Variants in FRMPD2 observed in about 807,000 individuals in gnomAD.
The protein encoded by FRMPD2 is FERM and PDZ domain-containing protein 2.
A neutral mutation model predicts 140.1 loss-of-function variants in FRMPD2; 96 were observed. The observed-to-expected ratio is 0.69, with a 90% CI of 0.58 to 0.81. The LOEUF (loss-of-function observed/expected upper bound fraction) is 0.81, where lower values mean the gene tolerates loss of function less well. Ranked by LOEUF, FRMPD2 falls within the 40% of genes least tolerant of loss-of-function variation. The pLI, the probability that FRMPD2 is intolerant of heterozygous loss-of-function variation, is 0.00. For synonymous variants in FRMPD2, 449 were observed against 547.6 expected, an observed-to-expected ratio of 0.82 and a Z score of 2.52; for missense variants, 1,240 against 1,447.4, an observed-to-expected ratio of 0.86 and a Z score of 2.32.
chr10:48,159,613 G>A (rs1837879537), intron 28 of FRMPD2, among the ~76,000 whole-genome samples: 1 of 151,826 alleles, frequency 6.6e-6, no homozygotes. Context: ...GCTATTCCAG[G>A]CAGTGCCCTT....
intron 28 of FRMPD2, chr10:48,159,070 C>T (rs1554790525): frequency 2.7e-5 from 11 of 411,184 alleles, no homozygotes; most frequent in African/African-American, 8.5e-5. Flanking sequence ...TATTTACTTA[C>T]GGTTAAACTC....
At position 48,206,760 on chromosome 10, in the gene FRMPD2, CTTCCCGGT is replaced by C. The variant is rs1564425081; in HGVS notation, c.1777_1784del (p.Thr593AspfsTer30). Reference sequence around the variant, plus strand: ...GAGCTACACTCACATAAGTAGAAATCTTCCCGGTTTCTCTCCACTGAAACCGTAACATT... The same window carrying C: ...GAGCTACACTCACATAAGTAGAAATCTTCTCTCCACTGAAACCGTAACATT... On this transcript the variant is annotated frameshift_variant, in exon 14 of 29. Transcript: ENST00000374201. LOFTEE classifies it high-confidence loss of function. 1 of 1,613,788 alleles carries C rather than the reference CTTCCCGGT, an allele frequency of 6.2e-7. No homozygotes were observed. The highest frequency in any genetic ancestry group is 1.1e-5 in the South Asian group (1 of 91,038).
chr10:48,265,270 A>C (rs988361213), intron 1 of FRMPD2, among the ~76,000 whole-genome samples: 1 of 152,220 alleles, frequency 6.6e-6, no homozygotes, highest in African/African-American at 2.4e-5. Flanking sequence ...TCTGGAAGAC[A>C]AAACCTAGGC....
chr10:48,253,400 C>T (rs905314245), intron 1 of FRMPD2, among the ~76,000 whole-genome samples: 4 of 151,910 alleles, frequency 2.6e-5, no homozygotes, highest in Non-Finnish European at 5.9e-5. Context: ...CAAGGACTGC[C>T]CAATAAAATG....
chr10:48,200,334 C>T (rs537084745), intron 15 of FRMPD2, among the ~76,000 whole-genome samples: 1 of 152,120 alleles, frequency 6.6e-6, no homozygotes, highest in Non-Finnish European at 1.5e-5. Context: ...CCTGCCTCCT[C>T]GAATCAGGGC....
chr10:48,213,681 G>T (rs979299986), intron 12 of FRMPD2, among the ~76,000 whole-genome samples: 1 of 152,200 alleles, frequency 6.6e-6, no homozygotes, highest in African/African-American at 2.4e-5. Context: ...AAAAGACATG[G>T]AAGAGTCTGA....
intron 15 of FRMPD2, among the ~76,000 whole-genome samples, chr10:48,200,915 T>C (rs1332253730): frequency 2.6e-5 from 4 of 152,256 alleles, no homozygotes; most frequent in Non-Finnish European, 5.9e-5. Flanking sequence ...CTATTGATTA[T>C]CTTAGGATAA....
intron 1 of FRMPD2, among the ~76,000 whole-genome samples, chr10:48,260,978 C>A (rs1040504219): frequency 6.6e-6 from 1 of 152,126 alleles, no homozygotes; most frequent in Non-Finnish European, 1.5e-5. Context: ...TAAAAGTTAG[C>A]AATCAACAGC....
intron 27 of FRMPD2, among the ~76,000 whole-genome samples, chr10:48,166,524 C>T (rs1369983423): frequency 8.1e-6 from 1 of 123,436 alleles, no homozygotes; most frequent in African/African-American, 3.2e-5. Flanking sequence ...GCATCATGCT[C>T]CTCTGATCCC....
In FRMPD2 at chr10:48,171,313, G is replaced by A. The variant is rs558418839; in HGVS notation, c.3224-105C>T. On this transcript the variant is annotated intron_variant, in intron 25 of 28. Coordinates refer to ENST00000374201, the MANE Select transcript of FRMPD2 (RefSeq NM_001018071.4). Reference sequence around the variant, plus strand: ...CAAGTAGATGAATTATTTCTTTTACGTTCAAATAATTCCTTTGCTAATTTT... The same window carrying A: ...CAAGTAGATGAATTATTTCTTTTACATTCAAATAATTCCTTTGCTAATTTT... 152 of 731,104 alleles carry A rather than the reference G, an allele frequency of 2.1e-4. 1 individual carries two copies. The highest frequency in any genetic ancestry group is 1.4e-3 in the African/African-American group (86 of 60,322). The allele number at this position is 731,104 out of a possible 1,614,324, so 45.3% of individuals were successfully genotyped here. A position where few individuals can be genotyped will look rare whatever the true frequency, so the allele number is the denominator to read the frequency against.
intron 25 of FRMPD2, among the ~76,000 whole-genome samples, chr10:48,171,718 T>C (rs1838262910): frequency 6.6e-6 from 1 of 151,964 alleles, no homozygotes; most frequent in Non-Finnish European, 1.5e-5. Flanking sequence ...GTGGCTACCA[T>C]ATTGAATAGC....
At chr10:48,239,361 G>A (rs917842007) in intron 7 of FRMPD2, among the ~76,000 whole-genome samples, 11 of 152,170 alleles carry the variant, frequency 7.2e-5, no homozygotes, top group African/African-American at 2.7e-4. Context: ...TCCGCCACTC[G>A]GCCTGAGTAT....
intron 20 of FRMPD2, among the ~76,000 whole-genome samples, chr10:48,183,851 C>CATAAAAAAAAAAAAAAAAAAAAAA (rs1838610156): frequency 1.3e-5 from 1 of 76,784 alleles, no homozygotes; most frequent in African/African-American, 5.7e-5. Context: ...GACTCCATCT[C>CATAAAAAAAAAAAAAAAAAAAAAA]AAAAAAAAAA....
chr10:48,270,267 A>C (rs781363537), intron 1 of FRMPD2, among the ~76,000 whole-genome samples: 3 of 152,112 alleles, frequency 2.0e-5, no homozygotes, highest in African/African-American at 4.8e-5. Context: ...CTCAGTGCCC[A>C]TGAGGTGGCA....
intron 14 of FRMPD2, chr10:48,201,685 A>T (rs1043543463): frequency 5.0e-6 from 1 of 199,736 alleles, no homozygotes; most frequent in Non-Finnish European, 1.0e-5. Flanking sequence ...CAAGGACGGA[A>T]CCTAACCCTC....
chr10:48,170,557 T>C (rs1473585947), intron 26 of FRMPD2, among the ~76,000 whole-genome samples: 1 of 151,486 alleles, frequency 6.6e-6, no homozygotes, highest in Non-Finnish European at 1.5e-5. Context: ...TATACAGTAT[T>C]TCATTACTCT....
intron 13 of FRMPD2, among the ~76,000 whole-genome samples, chr10:48,211,653 G>C (rs1483735565): frequency 6.6e-6 from 1 of 152,010 alleles, no homozygotes; most frequent in South Asian, 2.1e-4. Flanking sequence ...ATGGTGGCAG[G>C]CGCCTGTAAT....
At chr10:48,220,544 C>A (rs892603544) in intron 12 of FRMPD2, among the ~76,000 whole-genome samples, 1 of 152,020 alleles carries the variant, frequency 6.6e-6, no homozygotes, top group African/African-American at 2.4e-5. Context: ...ACTTCATGAC[C>A]AAGAATCCAA....
At chr10:48,262,359 A>C (rs1393075080) in intron 1 of FRMPD2, among the ~76,000 whole-genome samples, 3 of 152,258 alleles carry the variant, frequency 2.0e-5, no homozygotes, top group African/African-American at 7.2e-5. Context: ...AACTTCAGAC[A>C]AAGCAGACTT....
Sources: gnomAD v4.1 joint callset for allele counts (sites outside exome capture counted in the v4.1 genomes callset) on GRCh38, gnomAD v4.1.1 for gene constraint, MANE v1.5 for transcripts, NCBI Gene and HGNC (gene_info 2026-07-23, HGNC 2026-07-21) for gene names.